Variants in LAMA2 observed in about 807,000 individuals in gnomAD.
LAMA2 encodes the protein laminin subunit alpha-2.
In LAMA2, 269 loss-of-function variants were observed where a neutral mutation model predicts 364.8. The ratio of observed to expected loss-of-function variants is 0.74; its 90% CI spans 0.67 to 0.82. The LOEUF (loss-of-function observed/expected upper bound fraction) is 0.82, where lower values mean the gene tolerates loss of function less well. Ranked by LOEUF, LAMA2 falls within the 40% of genes least tolerant of loss-of-function variation. LAMA2 has a pLI of 0.00. For synonymous variants in LAMA2, 1,379 were observed against 1,370.6 expected (o/e 1.01, Z -0.14); for missense variants, 3,807 against 3,873.2 (o/e 0.98, Z 0.45).
intron 12 of LAMA2, among the ~76,000 whole-genome samples, chr6:129,225,903 C>G (rs1784231436): frequency 6.6e-6 from 1 of 152,118 alleles, no homozygotes; most frequent in South Asian, 2.1e-4. Flanking sequence ...ACCTTTCTGT[C>G]TCGTTGATCT....
At chr6:129,110,843 T>G (rs1415915989) in intron 4 of LAMA2, among the ~76,000 whole-genome samples, 1 of 152,000 alleles carries the variant, frequency 6.6e-6, no homozygotes, top group African/African-American at 2.4e-5. Flanking sequence ...CAAGAGTTTG[T>G]GTGACACTGT....
intron 1 of LAMA2, among the ~76,000 whole-genome samples, chr6:128,889,256 A>G (rs1474066567): frequency 6.6e-6 from 1 of 152,146 alleles, no homozygotes; most frequent in African/African-American, 2.4e-5. Context: ...TCCCTTTTTT[A>G]TTATCTATTT....
intron 12 of LAMA2, among the ~76,000 whole-genome samples, chr6:129,203,346 C>T (rs578134709): frequency 9.6e-4 from 146 of 152,322 alleles, no homozygotes; most frequent in Non-Finnish European, 1.7e-3. Flanking sequence ...CACTAGCCTA[C>T]GTGCATATGG....
At position 129,205,493 on chromosome 6, in the gene LAMA2, T is replaced by TACAC. The variant is rs767013359; in HGVS notation, c.1782+12677_1782+12680dup. On this transcript the variant is annotated intron_variant, in intron 12 of 64. Coordinates refer to ENST00000421865, the MANE Select transcript of LAMA2 (RefSeq NM_000426.4). ...TATTCTGTAAGTATATATATATATA[T>TACAC]ACACACACACACACACACACACACA... 3.3e-3 allele frequency among the ~76,000 whole-genome samples: 344 copies of TACAC among 104,236 alleles called. 11 individuals carry two copies. The highest frequency in any genetic ancestry group is 0.02 in the East Asian group (83 of 4,122). 68.4% of individuals were successfully genotyped at this position (104,236 alleles called of 152,430 possible). A position where few individuals can be genotyped will look rare whatever the true frequency, so the allele number is the denominator to read the frequency against.
At chr6:128,967,870 C>A (rs936025646) in intron 1 of LAMA2, among the ~76,000 whole-genome samples, 1 of 152,082 alleles carries the variant, frequency 6.6e-6, no homozygotes, top group African/African-American at 2.4e-5. Flanking sequence ...ATCTATTACA[C>A]CTCAGATTAT....
At chr6:128,988,898 A>G (rs1385582512) in intron 1 of LAMA2, among the ~76,000 whole-genome samples, 4 of 152,204 alleles carry the variant, frequency 2.6e-5, no homozygotes, top group African/African-American at 9.6e-5. Flanking sequence ...GGAAAGTTAA[A>G]TGGAAAAACA....
At chr6:129,453,532 A>AT (rs921074906) in intron 46 of LAMA2, among the ~76,000 whole-genome samples, 6 of 151,934 alleles carry the variant, frequency 3.9e-5, no homozygotes, top group East Asian at 1.9e-4. Context: ...AGTGTGTACT[A>AT]TTTTTTTTAC....
intron 30 of LAMA2, among the ~76,000 whole-genome samples, chr6:129,348,455 A>G (rs912622197): frequency 1.3e-5 from 2 of 152,162 alleles, no homozygotes; most frequent in Non-Finnish European, 2.9e-5. Flanking sequence ...TTTCCAATGC[A>G]TCATTCAGTT....
At chr6:129,023,285 A>G (rs1052935062) in intron 1 of LAMA2, among the ~76,000 whole-genome samples, 3 of 152,130 alleles carry the variant, frequency 2.0e-5, no homozygotes, top group Non-Finnish European at 4.4e-5. Flanking sequence ...ACTCTCTTCC[A>G]TGACTTCTAA....
chr6:128,911,077 C>T (rs1777898354), intron 1 of LAMA2, among the ~76,000 whole-genome samples: 1 of 152,102 alleles, frequency 6.6e-6, no homozygotes, highest in African/African-American at 2.4e-5. Flanking sequence ...GCAGAGGTTA[C>T]TGCTGTCTTT....
chr6:128,990,647 GTAT>G (rs1389968188), intron 1 of LAMA2, among the ~76,000 whole-genome samples: 1 of 152,010 alleles, frequency 6.6e-6, no homozygotes, highest in Non-Finnish European at 1.5e-5. Context: ...GGACTATTTT[GTAT>G]TATTATTTTG....
intron 44 of LAMA2, among the ~76,000 whole-genome samples, chr6:129,444,374 A>C (rs781226512): frequency 2.6e-5 from 4 of 152,220 alleles, no homozygotes; most frequent in Non-Finnish European, 2.9e-5. Flanking sequence ...ATGTCAGAAT[A>C]ACAATGGAGA....
At chr6:129,388,702 C>A (rs1026582288) in intron 35 of LAMA2, among the ~76,000 whole-genome samples, 1 of 152,108 alleles carries the variant, frequency 6.6e-6, no homozygotes, top group Non-Finnish European at 1.5e-5. Context: ...CGCGCACACA[C>A]ACATATTCAT....
intron 1 of LAMA2, among the ~76,000 whole-genome samples, chr6:128,910,507 T>G (rs1777837516): frequency 6.6e-6 from 1 of 152,058 alleles, no homozygotes; most frequent in Non-Finnish European, 1.5e-5. Context: ...TAAGCATTTC[T>G]CTGTATTGGT....
chr6:129,341,111 G>A (rs1776245955), intron 29 of LAMA2, among the ~76,000 whole-genome samples: 1 of 152,200 alleles, frequency 6.6e-6, no homozygotes, highest in Non-Finnish European at 1.5e-5. Flanking sequence ...TGGTGGAAAT[G>A]ACGTCAGCTA....
intron 3 of LAMA2, among the ~76,000 whole-genome samples, chr6:129,067,599 CT>C (rs1789455671): frequency 1.3e-5 from 2 of 152,190 alleles, no homozygotes; most frequent in African/African-American, 4.8e-5. Flanking sequence ...ACACTTTCCA[CT>C]AAAAGTCTCT....
At chr6:129,166,343 A>G (rs1779740594) in intron 9 of LAMA2, among the ~76,000 whole-genome samples, 1 of 152,222 alleles carries the variant, frequency 6.6e-6, no homozygotes, top group Non-Finnish European at 1.5e-5. Flanking sequence ...TAGGAAATTC[A>G]TAGAATGCAC....
chr6:128,913,135 T>C (rs1035365158), intron 1 of LAMA2, among the ~76,000 whole-genome samples: 1 of 152,194 alleles, frequency 6.6e-6, no homozygotes, highest in Non-Finnish European at 1.5e-5. Context: ...AAAGTGAAGA[T>C]GGGGTCTGCT....
chr6:129,485,878 T>C (rs1182547670), intron 55 of LAMA2, among the ~76,000 whole-genome samples: 3 of 152,212 alleles, frequency 2.0e-5, no homozygotes, highest in Non-Finnish European at 2.9e-5. Context: ...GGACAAGGAC[T>C]GCATTCAGGC....
Sources: allele counts gnomAD v4.1 joint callset (sites outside exome capture counted in the v4.1 genomes callset), GRCh38; gene constraint gnomAD v4.1.1; transcripts MANE v1.5; gene names NCBI Gene and HGNC (gene_info 2026-07-23, HGNC 2026-07-21).